Variants in PLEKHG4 observed in about 807,000 individuals in gnomAD.
PLEKHG4 encodes the protein puratrophin-1.
A neutral mutation model predicts 136.9 loss-of-function variants in PLEKHG4; 85 were observed. The observed-to-expected ratio is 0.62, with a 90% confidence interval of 0.52 to 0.74. The LOEUF is 0.74. PLEKHG4 is among the 30% of genes least tolerant of loss of function. The pLI is 0.00. For missense variants in PLEKHG4, 1,317 were observed against 1,527.8 expected (o/e 0.86, Z 2.30); for synonymous variants, 577 against 646.9 (o/e 0.89, Z 1.64).
At chr16:67,278,910 G>C (rs2036080917), upstream of PLEKHG4, 1 of 152,502 alleles carries the variant, frequency 6.6e-6, no homozygotes, top group Admixed American at 6.5e-5. Flanking sequence ...ATGGCAAAGG[G>C]GTAGAGGATC....
At chr16:67,285,983 C>G (rs1357843856) in intron 14 of PLEKHG4, among the ~76,000 whole-genome samples, 1 of 152,050 alleles carries the variant, frequency 6.6e-6, no homozygotes, top group African/African-American at 2.4e-5. Context: ...CAGGACAGTC[C>G]CAGGTGAGGT....
At position 67,289,208 on chromosome 16, in the gene PLEKHG4, A is replaced by G. The variant is rs971186289; in HGVS notation, c.*400A>G. On this transcript the variant is annotated 3_prime_UTR_variant, in exon 22 of 22. Transcript: ENST00000379344. The stretch of plus-strand genomic sequence containing the variant: ...GTGGGCTCCTAGCAGCTGATCCCCA[A>G]TGCCTGGCCTTAAAGCCGAGCTCAG... The G allele has an allele frequency of 6.8e-6, 3 of 441,904 alleles. No individual in the cohort carries two copies. The highest frequency in any genetic ancestry group is 8.3e-6 in the Non-Finnish European group (2 of 241,772). 27.4% of individuals were successfully genotyped at this position (441,904 alleles called of 1,614,324 possible). A position where few individuals can be genotyped will look rare whatever the true frequency, so the allele number is the denominator to read the frequency against.
At chr16:67,287,422 C>T (rs573943175) in intron 18 of PLEKHG4, 77 of 578,478 alleles carry the variant, frequency 1.3e-4, no homozygotes, top group Admixed American at 3.8e-4. Context: ...TTTTTGGAGA[C>T]AGGGTCTCGC....
At position 67,289,443 on chromosome 16, in the gene PLEKHG4, C is replaced by A. The variant is rs989996999; in HGVS notation, c.*635C>A. Reference sequence around the variant, plus strand: ...CTAGGTCTTTGATGTGTGATTTAATCTTTTATTTGTTTATAATAAAAAATA... The same window carrying A: ...CTAGGTCTTTGATGTGTGATTTAATATTTTATTTGTTTATAATAAAAAATA... On this transcript the variant is annotated 3_prime_UTR_variant, in exon 22 of 22. Coordinates refer to ENST00000379344, the MANE Select transcript of PLEKHG4 (RefSeq NM_001129729.3). 1 of 557,034 alleles carries A rather than the reference C, an allele frequency of 1.8e-6. No individual in the cohort carries two copies. The highest frequency in any genetic ancestry group is 3.2e-6 in the Non-Finnish European group (1 of 309,700). The allele number at this position is 557,034 out of a possible 1,614,324, so 34.5% of individuals were successfully genotyped here.
chr16:67,287,985 G>T lies in PLEKHG4; in HGVS notation c.3191G>T (p.Arg1064Leu). The stretch of plus-strand genomic sequence containing the variant: ...CCCAGCGAGGAAGCCATCAACGACC[G>T]CACCGTCAACTATGTCCTGAAGTGC... The part of the protein sequence containing the change: ...IAPSEEAIND[R>L]TVNYVLKCRE... The change falls in exon 19 of 22, where the codon CGC becomes CTC. Residue 1064 changes from arginine (R) to leucine (L), a missense_variant. Transcript: ENST00000379344. 1.9e-6 allele frequency: 3 copies of T among 1,613,324 alleles called. No individual in the cohort carries two copies. Among genetic ancestry groups the T allele is most frequent in the Non-Finnish European group, 2.5e-6 (3 of 1,179,302 alleles).
In PLEKHG4 at chr16:67,282,245, G is replaced by A. The variant is rs1436723518; in HGVS notation, c.1149G>A (p.Gln383=). 6.2e-7 allele frequency: 1 copy of A among 1,613,562 alleles called. No individual in the cohort carries two copies. The highest frequency in any genetic ancestry group is 8.5e-7 in the Non-Finnish European group (1 of 1,180,032). ...LLQQTEVLMQ[Q]VLDSPWLAWL... is the part of the protein sequence containing the mutation. Reference sequence around the variant, plus strand: ...AGCAGACAGAGGTCCTGATGCAGCAGGTGCTAGACTCGCCATGGCTGGCAT... The same window carrying A: ...AGCAGACAGAGGTCCTGATGCAGCAAGTGCTAGACTCGCCATGGCTGGCAT... Residue 383 remains glutamine, a synonymous_variant, in exon 9 of 22, where the codon CAG becomes CAA. Transcript: ENST00000379344.
Position 67,280,788 on chromosome 16 carries a change from G to A in PLEKHG4, c.577G>A (p.Gly193Ser), listed in dbSNP as rs2036176801. The A allele has an allele frequency of 1.2e-6, 2 of 1,614,056 alleles. No homozygotes were observed. The highest frequency in any genetic ancestry group is 1.6e-4 in the Middle Eastern group (1 of 6,062). The change falls in exon 3 of 22, where the codon GGT becomes AGT. Residue 193 changes from glycine (G) to serine (S), a missense_variant. Transcript: ENST00000379344. The surrounding 1 kb of genome is among the most constrained non-coding windows in gnomAD (Gnocchi z 4.4). ...CCTCTGTTGGGAGCTGCTGGCCAGTGGTATGGCCACCTTGCCAGGTAGCCA... is the reference window on the plus strand; with the variant it reads ...CCTCTGTTGGGAGCTGCTGGCCAGTAGTATGGCCACCTTGCCAGGTAGCCA... The part of the protein sequence containing the change: ...QDLCWELLAS[G>S]MATLPGTRDV...
Position 67,280,076 on chromosome 16 carries a change from C to T in PLEKHG4, c.32C>T (p.Ser11Phe), listed in dbSNP as rs1255719107. The change falls in exon 2 of 22, where the codon TCC (serine) becomes TTC (phenylalanine). Residue 11 changes from serine (S) to phenylalanine (F), a missense_variant. By Grantham distance (155) the Ser-to-Phe change is radical. Transcript: ENST00000379344. This position sits in a 1 kb window ranked among gnomAD's most constrained non-coding sequence, Gnocchi z 4.4. ...AGGCCCCTGGAGAATGGGGATGAGT[C>T]CCCAGACTCTCAGGGCCATGCCACC... Reference protein sequence around the residue: MERPLENGDESPDSQGHATDW... With the variant: MERPLENGDEFPDSQGHATDW... 3 of 1,613,576 alleles carry T rather than the reference C, an allele frequency of 1.9e-6. No homozygotes were observed. The highest frequency in any genetic ancestry group is 1.1e-5 in the South Asian group (1 of 91,084).
chr16:67,282,676 G>C (rs374564954), intron 10 of PLEKHG4, 35 bp downstream of exon 10: 2 of 1,613,582 alleles, frequency 1.2e-6, no homozygotes, highest in Admixed American at 1.7e-5. Context: ...GCCCTGCCCC[G>C]ATCTCAGACG....
chr16:67,288,748 C>A, intron 21 of PLEKHG4, 55 bp from the exon 22 acceptor site: 1 of 1,611,092 alleles, frequency 6.2e-7, no homozygotes, highest in South Asian at 1.1e-5. Context: ...TCCCCAGACA[C>A]CTCCTGGGTC....
chr16:67,278,036 G>A (rs1482209106), upstream of PLEKHG4: 3 of 152,288 alleles, frequency 2.0e-5, no homozygotes, highest in Non-Finnish European at 4.4e-5. Context: ...CCGGCTCTTA[G>A]GGCTCCTGGG....
intron 19 of PLEKHG4, 61 bp from the exon 20 acceptor site, chr16:67,288,106 T>C: frequency 6.4e-7 from 1 of 1,565,736 alleles, no homozygotes; most frequent in Non-Finnish European, 8.8e-7. Flanking sequence ...CGCACTTTCC[T>C]TGGGATCTGG....
Position 67,285,500 on chromosome 16 carries a change from G to T in PLEKHG4, c.2406G>T (p.Arg802=). ...FFLRELEACT[R]HPPRVAYAFL... ...TGCGTGAGCTGGAGGCTTGCACCCG[G>T]CACCCACCACGAGTGGCCTATGCCT... The change falls in exon 14 of 22, where the codon CGG becomes CGT. Residue 802 remains arginine (R), a synonymous_variant. Transcript: ENST00000379344. 6.2e-7 allele frequency: 1 copy of T among 1,612,318 alleles called. No homozygotes were observed. Among genetic ancestry groups the T allele is most frequent in the African/African-American group, 1.3e-5 (1 of 75,050 alleles).
chr16:67,281,390 AT>A (rs1308605715), intron 5 of PLEKHG4, among the ~76,000 whole-genome samples, 176 bp from the exon 6 acceptor site: 3 of 151,586 alleles, frequency 2.0e-5, no homozygotes, highest in Non-Finnish European at 4.4e-5. Context: ...TGCCCAGCTG[AT>A]TTTTGTATTT....
chr16:67,280,853 G>A lies in PLEKHG4; in HGVS notation c.596-29G>A, dbSNP rs755943666. ...CGGTGGAGGTGGAGTGGCCCAATAC[G>A]GCAGGAGTTCACTGCTTCCTCCCCA... On this transcript the variant is annotated intron_variant, in intron 3 of 21. Transcript: ENST00000379344. This position sits in a 1 kb window ranked among gnomAD's most constrained non-coding sequence, Gnocchi z 4.4. The A allele has an allele frequency of 1.4e-5, 22 of 1,613,206 alleles. No individual in the cohort carries two copies. The South Asian group carries it at 1.4e-4, about 10-fold the overall frequency.
chr16:67,283,905 C>T (rs1241345692), intron 11 of PLEKHG4, among the ~76,000 whole-genome samples: 1 of 151,704 alleles, frequency 6.6e-6, no homozygotes, highest in Non-Finnish European at 1.5e-5. Flanking sequence ...GGGAGCAGGA[C>T]GAGCCACCAG....
intron 13 of PLEKHG4, 24 bp from the exon 14 acceptor site, chr16:67,285,266 G>C (rs2036415930): frequency 1.2e-6 from 2 of 1,613,712 alleles, no homozygotes; most frequent in Non-Finnish European, 8.5e-7. Context: ...GATGTCTTGG[G>C]TCCTGACTCC....
At position 67,280,088 on chromosome 16, in the gene PLEKHG4, A is replaced by G; in HGVS notation, c.44A>G (p.Gln15Arg). Residue 15 changes from glutamine to arginine, a missense_variant, in exon 2 of 22, where the codon CAG becomes CGG. Physicochemically the swap from Gln to Arg is conservative, Grantham distance 43 (BLOSUM62 1). Transcript: ENST00000379344. This position sits in a 1 kb window ranked among gnomAD's most constrained non-coding sequence, Gnocchi z 4.4. ...LENGDESPDSQGHATDWRFAV... is the reference protein window; with the variant it reads ...LENGDESPDSRGHATDWRFAV... ...AATGGGGATGAGTCCCCAGACTCTC[A>G]GGGCCATGCCACCGACTGGAGATTT... 1.9e-6 allele frequency: 3 copies of G among 1,613,808 alleles called. No individual in the cohort carries two copies. The highest frequency in any genetic ancestry group is 2.5e-6 in the Non-Finnish European group (3 of 1,179,928).
In PLEKHG4 at chr16:67,285,052, T is replaced by G; in HGVS notation, c.2032T>G (p.Phe678Val). The stretch of plus-strand genomic sequence containing the variant: ...CCCTCCCCTGAGGAAGGCCTACAGC[T>G]TCGATCGGAATCTGGGGCAGAGTCT... ...AHPPLRKAYSFDRNLGQSLSE... is the reference protein window; with the variant it reads ...AHPPLRKAYSVDRNLGQSLSE... The change falls in exon 13 of 22, where the codon TTC (phenylalanine) becomes GTC (valine). Residue 678 changes from phenylalanine (F) to valine (V), a missense_variant. Phe to Val is a conservative substitution (Grantham distance 50). Transcript: ENST00000379344. 6.2e-7 allele frequency: 1 copy of G among 1,613,554 alleles called. No homozygotes were observed.
Sources: gnomAD v4.1 joint callset for allele counts (sites outside exome capture counted in the v4.1 genomes callset) on GRCh38, gnomAD v4.1.1 for gene constraint, Gnocchi (gnomAD v3.1) non-coding constraint, MANE v1.5 for transcripts, NCBI Gene and HGNC (gene_info 2026-07-23, HGNC 2026-07-21) for gene names.